The following ZNRF3 variants were observed in gnomAD, a reference collection of about 807,000 sequenced individuals.
ZNRF3 encodes the protein zinc and ring finger 3, also known as E3 ubiquitin-protein ligase ZNRF3.
ZNRF3 carries 23 observed loss-of-function variants against 72.5 expected under a neutral mutation model. The observed-to-expected ratio is 0.32, with a 90% confidence interval of 0.23 to 0.45. The LOEUF is 0.45. Among genes scored for constraint, ZNRF3 ranks in the 20% least tolerant of loss-of-function variants. The pLI, the probability that ZNRF3 is intolerant of heterozygous loss-of-function variation, is 1.00. For missense variants in ZNRF3, 1,169 were observed against 1,272.1 expected (o/e 0.92, Z 1.23); for synonymous variants, 610 against 545.3 (o/e 1.12, Z -1.65).
intron 1 of ZNRF3, among the ~76,000 whole-genome samples, chr22:28,890,297 G>A (rs2033861264): frequency 6.6e-6 from 1 of 152,132 alleles, no homozygotes; most frequent in African/African-American, 2.4e-5. Flanking sequence ...TCAGGAGATC[G>A]AGACAATCCT....
chr22:28,885,174 A>C (rs1362581816), intron 1 of ZNRF3, among the ~76,000 whole-genome samples: 3 of 152,150 alleles, frequency 2.0e-5, no homozygotes, highest in Non-Finnish European at 4.4e-5. Context: ...CGCAGCGTAG[A>C]CAGCCTGTTC....
At chr22:28,987,460 T>G (rs959919615) in intron 2 of ZNRF3, among the ~76,000 whole-genome samples, 9 of 152,178 alleles carry the variant, frequency 5.9e-5, no homozygotes, top group Non-Finnish European at 1.0e-4. Flanking sequence ...GCAAGTTGCT[T>G]CCCCTCAAGG....
intron 1 of ZNRF3, among the ~76,000 whole-genome samples, chr22:28,917,724 C>T (rs973012073): frequency 2.2e-4 from 34 of 152,298 alleles, no homozygotes; most frequent in Admixed American, 1.9e-3. Flanking sequence ...TCTTTATCTT[C>T]CCTCAGCTGC....
At chr22:28,967,939 A>G (rs546815139) in intron 1 of ZNRF3, among the ~76,000 whole-genome samples, 16 of 151,344 alleles carry the variant, frequency 1.1e-4, no homozygotes, top group East Asian at 7.7e-4. Flanking sequence ...AAAAAAAAAA[A>G]AAAAGAAAAA....
intron 1 of ZNRF3, among the ~76,000 whole-genome samples, chr22:28,983,170 C>T (rs542561990): frequency 1.4e-4 from 22 of 152,238 alleles, no homozygotes; most frequent in South Asian, 2.1e-4. Flanking sequence ...ATGCCCTTGA[C>T]GGGGCTGATG....
chr22:28,969,710 C>T (rs1213477999), intron 1 of ZNRF3, among the ~76,000 whole-genome samples: 1 of 152,136 alleles, frequency 6.6e-6, no homozygotes, highest in Non-Finnish European at 1.5e-5. Flanking sequence ...AGAGTAGTAA[C>T]ATGGCATGAC....
At chr22:28,952,505 T>TA (rs1055222686) in intron 1 of ZNRF3, among the ~76,000 whole-genome samples, 24 of 151,844 alleles carry the variant, frequency 1.6e-4, no homozygotes, top group Middle Eastern at 3.2e-3. Flanking sequence ...GTTTTTTTTT[T>TA]TTTTTTAACC....
chr22:29,048,158 C>T lies in ZNRF3; in HGVS notation c.913-231C>T, dbSNP rs2037108886. On this transcript the variant is annotated intron_variant, in intron 6 of 8. Coordinates refer to ENST00000544604, the MANE Select transcript of ZNRF3 (RefSeq NM_001206998.2). This position sits in a 1 kb window ranked among gnomAD's most constrained non-coding sequence, Gnocchi z 4.9. Reference sequence around the variant, plus strand: ...AGACGCCTGCCTCTGTGCGTGCCCACTCCCTTAACACTGAGGACTGTGGAT... The same window carrying T: ...AGACGCCTGCCTCTGTGCGTGCCCATTCCCTTAACACTGAGGACTGTGGAT... Among the ~76,000 whole-genome samples, 1 of 152,208 alleles carries T rather than the reference C, an allele frequency of 6.6e-6. No individual in the cohort carries two copies. Among genetic ancestry groups the T allele is most frequent in the East Asian group, 1.9e-4 (1 of 5,196 alleles).
intron 1 of ZNRF3, among the ~76,000 whole-genome samples, chr22:28,899,956 T>G (rs2123751586): frequency 6.6e-6 from 1 of 152,284 alleles, no homozygotes; most frequent in East Asian, 1.9e-4. Context: ...TGCAAGGCTG[T>G]TTTAATTGTC....
At chr22:29,026,110 G>A (rs529000409) in intron 2 of ZNRF3, 1 of 152,236 alleles carries the variant, frequency 6.6e-6, no homozygotes, top group African/African-American at 2.4e-5. Context: ...AACGCATTTG[G>A]GAGAAATAAA....
chr22:28,949,895 G>A (rs1243920759), intron 1 of ZNRF3, among the ~76,000 whole-genome samples: 2 of 152,056 alleles, frequency 1.3e-5, no homozygotes, highest in Non-Finnish European at 2.9e-5. Context: ...TTGTCTTGAG[G>A]CAACCACTGT....
intron 1 of ZNRF3, among the ~76,000 whole-genome samples, chr22:28,938,580 G>T (rs1601582463): frequency 6.6e-6 from 1 of 152,092 alleles, no homozygotes; most frequent in East Asian, 1.9e-4. Flanking sequence ...AACTTTTGAC[G>T]ACTTTCTAGC....
intron 1 of ZNRF3, among the ~76,000 whole-genome samples, chr22:28,977,844 A>G (rs2035702524): frequency 6.6e-6 from 1 of 152,250 alleles, no homozygotes; most frequent in African/African-American, 2.4e-5. Context: ...ACATGTGGAA[A>G]GTGCACCAGT....
At chr22:28,907,537 C>A (rs2034234152) in intron 1 of ZNRF3, among the ~76,000 whole-genome samples, 1 of 152,188 alleles carries the variant, frequency 6.6e-6, no homozygotes, top group African/African-American at 2.4e-5. Flanking sequence ...GGTGTCCGTG[C>A]CTTTCATGGT....
intron 2 of ZNRF3, chr22:28,992,657 G>T (rs114026131): frequency 0.011 from 1,718 of 152,536 alleles, 41 homozygotes; most frequent in African/African-American, 0.039. Flanking sequence ...CTCCAGAAGA[G>T]AGCTGGTGGG....
Position 29,043,464 on chromosome 22 carries a change from G to A in ZNRF3, c.633+34G>A, listed in dbSNP as rs201429804. Reference sequence around the variant, plus strand: ...CCGCACCATTTGGCACAGGCTCGGGGCCTTCTCTGCTACTACCTGTCCCTT... The same window carrying A: ...CCGCACCATTTGGCACAGGCTCGGGACCTTCTCTGCTACTACCTGTCCCTT... On this transcript the variant is annotated intron_variant, in intron 4 of 8. Coordinates refer to ENST00000544604, the MANE Select transcript of ZNRF3 (RefSeq NM_001206998.2). The A allele has an allele frequency of 1.7e-4, 281 of 1,609,698 alleles. 1 individual carries two copies. The African/African-American group carries it at 3.4e-3, about 20-fold the overall frequency.
intron 2 of ZNRF3, among the ~76,000 whole-genome samples, chr22:29,028,094 T>C (rs1462491764): frequency 6.6e-6 from 1 of 152,206 alleles, no homozygotes; most frequent in African/African-American, 2.4e-5. Context: ...AAGGAGTCAA[T>C]ATCATAGGGT....
At chr22:29,004,668 G>C (rs1258355310) in intron 2 of ZNRF3, among the ~76,000 whole-genome samples, 1 of 150,818 alleles carries the variant, frequency 6.6e-6, no homozygotes, top group Admixed American at 6.6e-5. Context: ...TCTCTTCCTC[G>C]CCCTCCCCCA....
At chr22:28,915,293 A>G (rs1046490401) in intron 1 of ZNRF3, among the ~76,000 whole-genome samples, 2 of 152,198 alleles carry the variant, frequency 1.3e-5, no homozygotes, top group Admixed American at 1.3e-4. Flanking sequence ...GTGGCCTTCC[A>G]TCTGTAACTG....
Sources: allele counts gnomAD v4.1 joint callset (sites outside exome capture counted in the v4.1 genomes callset), GRCh38; gene constraint gnomAD v4.1.1; non-coding constraint Gnocchi (gnomAD v3.1); transcripts MANE v1.5; gene names NCBI Gene and HGNC (gene_info 2026-07-23, HGNC 2026-07-21).